The following DACH1 variants were observed in gnomAD, a reference collection of about 807,000 sequenced individuals.
The protein encoded by DACH1 is dachshund family transcription factor 1.
A neutral mutation model predicts 54.2 loss-of-function variants in DACH1; 12 were observed. The observed-to-expected ratio is 0.22, with a 90% confidence interval of 0.14 to 0.36. The LOEUF is 0.36. DACH1 is among the 10% of genes least tolerant of loss of function. DACH1 has a pLI of 1.00. For missense variants in DACH1, 805 were observed against 929.8 expected (o/e 0.87, Z 1.75); for synonymous variants, 386 against 366.2 (o/e 1.05, Z -0.62).
chr13:71,638,388 C>A (rs1029331957), intron 2 of DACH1, among the ~76,000 whole-genome samples: 1 of 152,144 alleles, frequency 6.6e-6, no homozygotes, highest in Non-Finnish European at 1.5e-5. Flanking sequence ...TGGTTCCTAA[C>A]CATCTGATAG....
intron 1 of DACH1, among the ~76,000 whole-genome samples, chr13:71,687,757 C>T (rs1362517020): frequency 5.9e-5 from 9 of 152,092 alleles, no homozygotes; most frequent in Non-Finnish European, 1.2e-4. Context: ...TACAGGCACA[C>T]ACCACTATGC....
intron 1 of DACH1, among the ~76,000 whole-genome samples, chr13:71,804,854 T>C (rs1887432710): frequency 6.6e-6 from 1 of 152,174 alleles, no homozygotes; most frequent in Non-Finnish European, 1.5e-5. Flanking sequence ...GTATTATTAA[T>C]TATTTACCTA....
At chr13:71,443,420 C>G (rs547617182) in intron 10 of DACH1, among the ~76,000 whole-genome samples, 7 of 151,670 alleles carry the variant, frequency 4.6e-5, no homozygotes, top group African/African-American at 1.7e-4. Flanking sequence ...ATGGTGAGAC[C>G]CCATCTCTAT....
intron 1 of DACH1, among the ~76,000 whole-genome samples, chr13:71,790,911 C>T (rs553275177): frequency 3.3e-5 from 5 of 152,264 alleles, no homozygotes; most frequent in South Asian, 2.1e-4. Flanking sequence ...TAGAGCCCCC[C>T]GGTAATTGAA....
In DACH1 at chr13:71,674,620, C is replaced by T. The variant is rs1880431792; in HGVS notation, c.964+7175G>A. ...GCCTCCAGAGGGGGTACCCTGCTGA[C>T]ACCATGATTTCAGCCCAGTGATGCT... On this transcript the variant is annotated intron_variant, in intron 2 of 10. Coordinates refer to ENST00000613252, the MANE Select transcript of DACH1 (RefSeq NM_080759.6). 2.0e-5 allele frequency among the ~76,000 whole-genome samples: 3 copies of T among 149,992 alleles called. No individual in the cohort carries two copies. The Admixed American group carries it at 2.0e-4, about 10-fold the overall frequency.
intron 1 of DACH1, among the ~76,000 whole-genome samples, chr13:71,851,035 G>A (rs939550364): frequency 6.6e-6 from 1 of 152,204 alleles, no homozygotes; most frequent in Non-Finnish European, 1.5e-5. Context: ...CCATGAGTAT[G>A]CTTACGATCA....
At chr13:71,629,036 G>A (rs1314935871) in intron 3 of DACH1, among the ~76,000 whole-genome samples, 1 of 151,974 alleles carries the variant, frequency 6.6e-6, no homozygotes, top group Non-Finnish European at 1.5e-5. Flanking sequence ...TGTATAAGTG[G>A]CTAATTACTT....
rs77168732 is a variant in DACH1, at chr13:71,720,787, C to T, written c.849-38877G>A. 3.0e-3 allele frequency among the ~76,000 whole-genome samples: 463 copies of T among 152,220 alleles called. 12 individuals are homozygous for T. In the East Asian group the frequency reaches 0.057, roughly 19 times the overall value. ...ACATGATAGCAGACAGTTATGTTCTCTAAACTTTACTTATCAGTTCTAAGA... is the reference window on the plus strand; with the variant it reads ...ACATGATAGCAGACAGTTATGTTCTTTAAACTTTACTTATCAGTTCTAAGA... On this transcript the variant is annotated intron_variant, in intron 1 of 10. Coordinates refer to ENST00000613252, the MANE Select transcript of DACH1 (RefSeq NM_080759.6).
At chr13:71,469,600 C>A (rs1454474242) in intron 10 of DACH1, among the ~76,000 whole-genome samples, 2 of 152,168 alleles carry the variant, frequency 1.3e-5, no homozygotes, top group African/African-American at 2.4e-5. Flanking sequence ...AACAAGTCAT[C>A]CAACCTCACT....
At chr13:71,731,666 G>A (rs1486714616) in intron 1 of DACH1, among the ~76,000 whole-genome samples, 2 of 152,226 alleles carry the variant, frequency 1.3e-5, no homozygotes, top group East Asian at 1.9e-4. Context: ...CACTCAAATC[G>A]TAGACTAGAC....
chr13:71,813,551 C>T (rs959966353), intron 1 of DACH1, among the ~76,000 whole-genome samples: 3 of 152,108 alleles, frequency 2.0e-5, no homozygotes, highest in Non-Finnish European at 2.9e-5. Flanking sequence ...GATGTATTCT[C>T]CTCCTCCAGC....
intron 9 of DACH1, 84 bp from the exon 10 acceptor site, chr13:71,475,293 G>T: frequency 9.0e-7 from 1 of 1,106,264 alleles, no homozygotes; most frequent in Non-Finnish European, 1.4e-6. Flanking sequence ...CTGTTACTTT[G>T]GTGCTGAATT....
At position 71,587,608 on chromosome 13, in the gene DACH1, TTA is replaced by T. The variant is rs1491010973; in HGVS notation, c.1127-14598_1127-14597del. 6.6e-5 allele frequency among the ~76,000 whole-genome samples: 10 copies of T among 152,076 alleles called. No individual in the cohort carries two copies. In the East Asian group the frequency reaches 1.9e-3, roughly 29 times the overall value. ...CATTTTTGACATTTTCTGTGATTTT[TTA>T]TGATATTTCAAGTAATTACCAAATC... On this transcript the variant is annotated intron_variant, in intron 3 of 10. Transcript: ENST00000613252.
chr13:71,624,386 C>A (rs1052145221), intron 3 of DACH1, among the ~76,000 whole-genome samples: 3 of 151,826 alleles, frequency 2.0e-5, no homozygotes, highest in South Asian at 2.1e-4. Context: ...CTACAGAGAG[C>A]AAATTCATTA....
At chr13:71,808,534 T>C (rs1343198304) in intron 1 of DACH1, among the ~76,000 whole-genome samples, 1 of 152,194 alleles carries the variant, frequency 6.6e-6, no homozygotes, top group African/African-American at 2.4e-5. Flanking sequence ...ACTAATGTAA[T>C]CTATTTCTGC....
intron 1 of DACH1, among the ~76,000 whole-genome samples, chr13:71,855,682 T>G (rs1715346276): frequency 6.6e-6 from 1 of 151,976 alleles, no homozygotes; most frequent in Non-Finnish European, 1.5e-5. Context: ...CTTCATTTAT[T>G]ATTAGTAGTA....
intron 3 of DACH1, among the ~76,000 whole-genome samples, chr13:71,580,310 T>C (rs997788919): frequency 1.3e-5 from 2 of 152,216 alleles, no homozygotes; most frequent in African/African-American, 4.8e-5. Context: ...TACCTCACCA[T>C]ACTATTCTTC....
At chr13:71,760,072 C>A (rs1443015538) in intron 1 of DACH1, among the ~76,000 whole-genome samples, 1 of 152,208 alleles carries the variant, frequency 6.6e-6, no homozygotes, top group Non-Finnish European at 1.5e-5. Flanking sequence ...GTCTACCCAA[C>A]ACAATGCCAC....
At chr13:71,577,192 C>G (rs2138424794) in intron 3 of DACH1, among the ~76,000 whole-genome samples, 1 of 152,218 alleles carries the variant, frequency 6.6e-6, no homozygotes, top group South Asian at 2.1e-4. Context: ...CCACTTTCTC[C>G]AGCCTGCTCC....
Sources: gnomAD v4.1 joint callset for allele counts (sites outside exome capture counted in the v4.1 genomes callset) on GRCh38, gnomAD v4.1.1 for gene constraint, MANE v1.5 for transcripts, NCBI Gene and HGNC (gene_info 2026-07-23, HGNC 2026-07-21) for gene names.